Variants in GRM8 observed in about 807,000 individuals in gnomAD.
GRM8 encodes the protein glutamate metabotropic receptor 8, also known as metabotropic glutamate receptor 8.
GRM8 carries 47 observed loss-of-function variants against 87.2 expected under a neutral mutation model. The observed-to-expected ratio is 0.54, with a 90% CI of 0.43 to 0.69. GRM8 has a LOEUF of 0.69. Among genes scored for constraint, GRM8 ranks in the 30% least tolerant of loss-of-function variants. The pLI is 0.00. For missense variants in GRM8, 1,019 were observed against 1,139.2 expected (o/e 0.89, Z 1.52); for synonymous variants, 396 against 404.5 (o/e 0.98, Z 0.25).
At chr7:126,845,092 G>C (rs998544575) in intron 6 of GRM8, among the ~76,000 whole-genome samples, 1 of 152,160 alleles carries the variant, frequency 6.6e-6, no homozygotes, top group South Asian at 2.1e-4. Context: ...AAGTAGTGAT[G>C]GGCTACTCAG....
At chr7:126,861,493 A>T (rs1798132483) in intron 6 of GRM8, among the ~76,000 whole-genome samples, 1 of 152,026 alleles carries the variant, frequency 6.6e-6, no homozygotes, top group Admixed American at 6.6e-5. Context: ...TAGTTTGACC[A>T]ATTTATTCTC....
intron 7 of GRM8, among the ~76,000 whole-genome samples, chr7:126,660,423 G>A (rs900692628): frequency 6.6e-5 from 10 of 152,004 alleles, no homozygotes; most frequent in Admixed American, 1.3e-4. Context: ...TAATATCTAC[G>A]AACATTATTT....
intron 8 of GRM8, among the ~76,000 whole-genome samples, chr7:126,591,288 T>A (rs1320059977): frequency 6.6e-6 from 1 of 152,034 alleles, no homozygotes; most frequent in East Asian, 1.9e-4. Flanking sequence ...AAGAGGGACA[T>A]AATACAATGA....
chr7:127,096,351 G>A (rs1824653577), intron 3 of GRM8, among the ~76,000 whole-genome samples: 1 of 152,078 alleles, frequency 6.6e-6, no homozygotes, highest in Non-Finnish European at 1.5e-5. Flanking sequence ...CTTGAGGTCA[G>A]GAGTTCAAGA....
intron 2 of GRM8, among the ~76,000 whole-genome samples, chr7:127,117,846 A>G (rs1826792714): frequency 6.6e-6 from 1 of 152,236 alleles, no homozygotes; most frequent in South Asian, 2.1e-4. Context: ...ATTATAAAAT[A>G]AAAAGTCAGT....
Position 126,998,681 on chromosome 7 carries a change from G to A in GRM8, c.728-93998C>T, listed in dbSNP as rs142969087. Among the ~76,000 whole-genome samples the A allele has an allele frequency of 2.3e-4, 34 of 150,854 alleles. No individual in the cohort carries two copies. The East Asian group carries it at 2.3e-3, about 10-fold the overall frequency. ...CATTTAATATAGCTACAAATAAAAC[G>A]AAATACAAAGGAATTAACTTAAAGA... On this transcript the variant is annotated intron_variant, in intron 3 of 10. Coordinates refer to ENST00000339582, the MANE Select transcript of GRM8 (RefSeq NM_000845.3).
At chr7:126,609,312 T>A (rs773859789) in intron 8 of GRM8, 50 bp downstream of exon 8, 1 of 1,404,134 alleles carries the variant, frequency 7.1e-7, no homozygotes, top group Non-Finnish European at 9.8e-7. Flanking sequence ...AAATAAAGCA[T>A]CCCTCCTGGA....
At chr7:127,149,187 G>A (rs1049611481) in intron 2 of GRM8, among the ~76,000 whole-genome samples, 1 of 151,968 alleles carries the variant, frequency 6.6e-6, no homozygotes, top group African/African-American at 2.4e-5. Flanking sequence ...CTGATAAGGA[G>A]TTAATATCTA....
At chr7:126,447,694 A>G (rs1802171574) in intron 9 of GRM8, among the ~76,000 whole-genome samples, 2 of 151,958 alleles carry the variant, frequency 1.3e-5, no homozygotes, top group South Asian at 4.1e-4. Context: ...CCTAGAGGAG[A>G]AGGTTTCTCT....
intron 2 of GRM8, among the ~76,000 whole-genome samples, chr7:127,197,668 C>A (rs1795359784): frequency 6.6e-6 from 1 of 150,788 alleles, no homozygotes. Flanking sequence ...TAAAGGTAAA[C>A]AAACCAGGGA....
chr7:126,492,908 T>C (rs78219261), intron 9 of GRM8, among the ~76,000 whole-genome samples: 6,358 of 152,084 alleles, frequency 0.042, 410 homozygotes, highest in African/African-American at 0.14. Context: ...GGAAAGCCTC[T>C]CCAAGTCCAT....
intron 7 of GRM8, among the ~76,000 whole-genome samples, chr7:126,704,474 C>G (rs999342394): frequency 3.3e-5 from 5 of 152,158 alleles, no homozygotes; most frequent in African/African-American, 1.2e-4. Flanking sequence ...AACAGGATAA[C>G]AGCAATGTTC....
chr7:126,540,856 C>A (rs1554392351), intron 8 of GRM8, among the ~76,000 whole-genome samples: 1 of 152,172 alleles, frequency 6.6e-6, no homozygotes, highest in Non-Finnish European at 1.5e-5. Flanking sequence ...ATGTGCAACA[C>A]TGTGAATATA....
At chr7:126,613,396 G>A (rs1016280991) in intron 7 of GRM8, among the ~76,000 whole-genome samples, 1 of 152,246 alleles carries the variant, frequency 6.6e-6, no homozygotes, top group East Asian at 1.9e-4. Flanking sequence ...TTGACAGAGT[G>A]GGGTTCCAAG....
chr7:127,140,458 G>GT (rs1456469290), intron 2 of GRM8, among the ~76,000 whole-genome samples: 2 of 152,102 alleles, frequency 1.3e-5, no homozygotes, highest in Admixed American at 6.5e-5. Context: ...ACACTACAAT[G>GT]TAACTATTTA....
At chr7:126,828,507 T>A (rs1324565643) in intron 6 of GRM8, among the ~76,000 whole-genome samples, 3 of 152,184 alleles carry the variant, frequency 2.0e-5, no homozygotes, top group Non-Finnish European at 4.4e-5. Flanking sequence ...TGTAGAGGTG[T>A]TTGTAGTATT....
intron 7 of GRM8, among the ~76,000 whole-genome samples, chr7:126,663,244 G>A (rs929037978): frequency 4.6e-5 from 7 of 152,170 alleles, no homozygotes; most frequent in Middle Eastern, 3.4e-3. Context: ...TCCTACTGAC[G>A]CTATTCCAAA....
At chr7:127,071,087 C>A (rs1017222509) in intron 3 of GRM8, among the ~76,000 whole-genome samples, 3 of 152,124 alleles carry the variant, frequency 2.0e-5, no homozygotes, top group African/African-American at 7.2e-5. Flanking sequence ...TCCAGATCAT[C>A]CTTACTATTT....
At chr7:126,684,563 G>A (rs745954676) in intron 7 of GRM8, among the ~76,000 whole-genome samples, 1 of 152,232 alleles carries the variant, frequency 6.6e-6, no homozygotes, top group Non-Finnish European at 1.5e-5. Flanking sequence ...ATCGGAGGCA[G>A]TAAGTGGCCT....
Sources: allele counts gnomAD v4.1 joint callset (sites outside exome capture counted in the v4.1 genomes callset), GRCh38; gene constraint gnomAD v4.1.1; transcripts MANE v1.5; gene names NCBI Gene and HGNC (gene_info 2026-07-23, HGNC 2026-07-21).